The following TRPV5 variants were observed in gnomAD, a reference collection of about 807,000 sequenced individuals.
TRPV5 encodes calcium transport protein 2.
TRPV5 carries 66 observed loss-of-function variants against 74.1 expected under a neutral mutation model. The ratio of observed to expected loss-of-function variants is 0.89; its 90% CI spans 0.73 to 1.09. The LOEUF is 1.09. Ranked by LOEUF, TRPV5 falls within the 50% of genes least tolerant of loss-of-function variation. The pLI, the probability that TRPV5 is intolerant of heterozygous loss-of-function variation, is 0.00. For missense variants in TRPV5, 936 were observed against 930.4 expected (o/e 1.01, Z -0.08); for synonymous variants, 399 against 360.7 (o/e 1.11, Z -1.20).
chr7:142,916,787 A>C (rs1166825506), intron 8 of TRPV5, among the ~76,000 whole-genome samples: 2 of 152,142 alleles, frequency 1.3e-5, no homozygotes, highest in African/African-American at 4.8e-5. Context: ...GGTGAGAGGC[A>C]GTGCTTTTAA....
chr7:142,915,854 C>A (rs1795787464), intron 8 of TRPV5, among the ~76,000 whole-genome samples: 1 of 152,226 alleles, frequency 6.6e-6, no homozygotes. Context: ...GATGTATATA[C>A]TGAGCAGCTG....
At chr7:142,927,982 T>C in intron 7 of TRPV5, 106 bp downstream of exon 7, 3 of 1,406,170 alleles carry the variant, frequency 2.1e-6, no homozygotes, top group South Asian at 1.3e-5. Context: ...CCACCTATTA[T>C]AAGGCTGGGA....
At chr7:142,923,277 A>AT (rs1224207905) in intron 8 of TRPV5, among the ~76,000 whole-genome samples, 1 of 152,176 alleles carries the variant, frequency 6.6e-6, no homozygotes, top group Non-Finnish European at 1.5e-5. Flanking sequence ...GTGCGTTTTC[A>AT]TTTTTTCTAA....
intron 8 of TRPV5, among the ~76,000 whole-genome samples, chr7:142,921,599 TA>T (rs2116591371): frequency 6.6e-6 from 1 of 152,230 alleles, no homozygotes; most frequent in African/African-American, 2.4e-5. Context: ...TTTTGCTTGC[TA>T]AACTGTAATA....
chr7:142,925,369 T>G (rs1343596795), intron 8 of TRPV5, 160 bp downstream of exon 8: 1 of 677,284 alleles, frequency 1.5e-6, no homozygotes, highest in East Asian at 2.7e-5. Context: ...AAACCCCATC[T>G]GTGGCCTCCT....
At chr7:142,929,967 C>G in intron 3 of TRPV5, 91 bp downstream of exon 3, 1 of 1,594,118 alleles carries the variant, frequency 6.3e-7, no homozygotes, top group East Asian at 2.2e-5. Flanking sequence ...TCACCCCACC[C>G]CAACCCATCC....
At chr7:142,919,269 A>T (rs1310295643) in intron 8 of TRPV5, among the ~76,000 whole-genome samples, 1 of 152,224 alleles carries the variant, frequency 6.6e-6, no homozygotes, top group Non-Finnish European at 1.5e-5. Context: ...TCCTGAGGGC[A>T]GGGATGCCTC....
intron 8 of TRPV5, among the ~76,000 whole-genome samples, chr7:142,922,769 A>T (rs1211967193): frequency 6.6e-6 from 1 of 152,234 alleles, no homozygotes; most frequent in East Asian, 1.9e-4. Flanking sequence ...CTAGTACTAT[A>T]GTGCATGCTG....
intron 8 of TRPV5, among the ~76,000 whole-genome samples, chr7:142,919,491 T>C (rs1795850162): frequency 6.6e-6 from 1 of 152,174 alleles, no homozygotes; most frequent in Admixed American, 6.5e-5. Context: ...TAATCGTGCT[T>C]TTCTGAAATT....
chr7:142,931,345 G>C (rs4252394), intron 1 of TRPV5, among the ~76,000 whole-genome samples: 2,466 of 152,166 alleles, frequency 0.016, 70 homozygotes, highest in African/African-American at 0.056. Flanking sequence ...GTCCCTGCAG[G>C]GGGTGGAGAG....
chr7:142,926,069 C>T (rs1465626425), intron 7 of TRPV5, among the ~76,000 whole-genome samples: 3 of 152,074 alleles, frequency 2.0e-5, no homozygotes, highest in Non-Finnish European at 1.5e-5. Flanking sequence ...GAAGCCATTG[C>T]CCATTTGCAG....
chr7:142,931,464 C>G (rs4252392), intron 1 of TRPV5, among the ~76,000 whole-genome samples: 1,571 of 152,280 alleles, frequency 0.01, 11 homozygotes, highest in Non-Finnish European at 0.017. Flanking sequence ...GGTTGAGATA[C>G]TCATTCTACA....
intron 8 of TRPV5, among the ~76,000 whole-genome samples, chr7:142,924,301 CATATATATAT>C (rs1481130391): frequency 1.1e-5 from 1 of 93,942 alleles, no homozygotes; most frequent in Non-Finnish European, 2.1e-5. Context: ...TATATATATA[CATATATATAT>C]ACACACATAT....
chr7:142,916,380 A>G (rs1795798574), intron 8 of TRPV5, among the ~76,000 whole-genome samples: 1 of 152,240 alleles, frequency 6.6e-6, no homozygotes, highest in Non-Finnish European at 1.5e-5. Context: ...AACTTATGCA[A>G]TATCACAGAT....
chr7:142,928,091 TCG>T lies in TRPV5; in HGVS notation c.904_905del (p.Glu303GlyfsTer50). The T allele has an allele frequency of 6.2e-7, 1 of 1,614,102 alleles. No homozygotes were observed. Among genetic ancestry groups the T allele is most frequent in the African/African-American group, 1.3e-5 (1 of 75,026 alleles). On this transcript the variant is annotated frameshift_variant, in exon 7 of 15. Coordinates refer to ENST00000265310, the MANE Select transcript of TRPV5 (RefSeq NM_019841.7). LOFTEE classifies it high-confidence loss of function. ...TGATCCTCCTTGGCATCCATACCTC[TCG>T]TTTATCAGAGGAGACCACAAGCTCC... Reference protein sequence around the residue: ...FLELVVSSDKREARQILEQTP... With the variant: ...FLELVVSSDKXEARQILEQTP...
chr7:142,912,566 C>T lies in TRPV5; in HGVS notation c.1704G>A (p.Leu568=), dbSNP rs764131367. Residue 568 remains leucine (L), a synonymous_variant, in exon 13 of 15, where the codon CTG becomes CTA. Transcript: ENST00000265310. ...TGGCGATGAACAAGTTGAGCATGAG[C>T]AGTGTGGCAATGATGGTGAAGGCGA... is the stretch of plus-strand genomic sequence containing the variant. The part of the protein sequence containing the change: ...VNFAFTIIAT[L]LMLNLFIAMM... The T allele has an allele frequency of 3.7e-6, 6 of 1,614,012 alleles. No individual in the cohort carries two copies. The highest frequency in any genetic ancestry group is 5.1e-6 in the Non-Finnish European group (6 of 1,179,960).
chr7:142,933,615 G>A lies in TRPV5; in HGVS notation c.-156C>T, dbSNP rs1011534152. ...TGTATGCAGCATGCAGCTTGTAGGT[G>A]TGTGTGTGTGCATGCAGTATGTGGG... On this transcript the variant is annotated 5_prime_UTR_variant, in exon 1 of 15. Coordinates refer to ENST00000265310, the MANE Select transcript of TRPV5 (RefSeq NM_019841.7). 5.1e-6 allele frequency: 5 copies of A among 974,760 alleles called. No homozygotes were observed. The highest frequency in any genetic ancestry group is 7.6e-6 in the Non-Finnish European group (5 of 657,758). 60.4% of individuals were successfully genotyped at this position (974,760 alleles called of 1,614,324 possible). A position where few individuals can be genotyped will look rare whatever the true frequency, so the allele number is the denominator to read the frequency against.
Position 142,908,703 on chromosome 7 carries a change from C to T in TRPV5, c.2001G>A (p.Gln667=). Residue 667 remains glutamine (Q), a synonymous_variant, in exon 15 of 15, where the codon CAG becomes CAA. Coordinates refer to ENST00000265310, the MANE Select transcript of TRPV5 (RefSeq NM_019841.7). ...GAGTCCCACTCTCAGCCCCAGAGGGCTGTTTCTCAGATGGATGCTCCTGGT... is the reference window on the plus strand; with the variant it reads ...GAGTCCCACTCTCAGCCCCAGAGGGTTGTTTCTCAGATGGATGCTCCTGGT... The part of the protein sequence containing the change: ...EDDQEHPSEK[Q]PSGAESGTLA... The T allele has an allele frequency of 6.2e-7, 1 of 1,614,214 alleles. No homozygotes were observed. The highest frequency in any genetic ancestry group is 2.2e-5 in the East Asian group (1 of 44,878).
intron 8 of TRPV5, among the ~76,000 whole-genome samples, chr7:142,924,377 T>C (rs1435802825): frequency 3.0e-4 from 2 of 6,710 alleles, no homozygotes. Context: ...TATATATACA[T>C]ATATATATAT....
Sources: allele counts gnomAD v4.1 joint callset (sites outside exome capture counted in the v4.1 genomes callset), GRCh38; gene constraint gnomAD v4.1.1; transcripts MANE v1.5; gene names NCBI Gene and HGNC (gene_info 2026-07-23, HGNC 2026-07-21).